Variants in PTPRD observed in about 807,000 individuals in gnomAD.
PTPRD encodes protein tyrosine phosphatase receptor type D.
A neutral mutation model predicts 214.5 loss-of-function variants in PTPRD; 34 were observed. The observed-to-expected ratio is 0.16, with a 90% CI of 0.12 to 0.21. The LOEUF is 0.21. Ranked by LOEUF, PTPRD falls within the 10% of genes least tolerant of loss-of-function variation. PTPRD has a pLI of 1.00. For synonymous variants in PTPRD, 1,128 were observed against 845.7 expected (o/e 1.33, Z -5.79); for missense variants, 2,545 against 2,398.7 (o/e 1.06, Z -1.27).
chr9:8,374,018 G>GA (rs1050396829), intron 39 of PTPRD, among the ~76,000 whole-genome samples: 2 of 151,234 alleles, frequency 1.3e-5, no homozygotes, highest in African/African-American at 4.8e-5. Context: ...AATGCAATGT[G>GA]AAAAAAATCA....
At chr9:10,374,345 G>A (rs1024585820) in intron 2 of PTPRD, among the ~76,000 whole-genome samples, 4 of 152,034 alleles carry the variant, frequency 2.6e-5, no homozygotes, top group African/African-American at 9.7e-5. Flanking sequence ...TTATCTAGGG[G>A]TTAAATGTGC....
At chr9:8,931,079 G>C (rs2098949219) in intron 11 of PTPRD, among the ~76,000 whole-genome samples, 1 of 152,056 alleles carries the variant, frequency 6.6e-6, no homozygotes, top group African/African-American at 2.4e-5. Context: ...TTCTTCTACG[G>C]TTTTTATGGG....
At chr9:9,076,341 T>C (rs1591151426) in intron 10 of PTPRD, among the ~76,000 whole-genome samples, 1 of 152,170 alleles carries the variant, frequency 6.6e-6, no homozygotes, top group East Asian at 1.9e-4. Context: ...TTCTGTAGGT[T>C]GCCTGTCCAC....
At chr9:10,433,971 A>G (rs1041698834) in intron 2 of PTPRD, among the ~76,000 whole-genome samples, 6 of 151,912 alleles carry the variant, frequency 3.9e-5, no homozygotes, top group Non-Finnish European at 8.8e-5. Flanking sequence ...AAAAAGTGTT[A>G]TTAATTCCAA....
rs192137097 is a variant in PTPRD, at chr9:10,596,540, A to G, written c.-600+15858T>C. 2.0e-3 allele frequency among the ~76,000 whole-genome samples: 298 copies of G among 151,824 alleles called. 1 individual carries two copies. The South Asian group carries it at 0.027, about 14-fold the overall frequency. ...TAAAAGAAACAAAGAATAAGCACAT[A>G]TATTTAAATGTAGACTACTTATTAT... On this transcript the variant is annotated intron_variant, in intron 2 of 45. Transcript: ENST00000381196.
intron 31 of PTPRD, 52 bp from the exon 32 acceptor site, chr9:8,465,727 T>G: frequency 6.8e-7 from 1 of 1,466,150 alleles, no homozygotes; most frequent in Non-Finnish European, 9.3e-7. Context: ...ATAACCCAGC[T>G]TATTGATAAT....
intron 3 of PTPRD, among the ~76,000 whole-genome samples, chr9:10,184,991 C>A (rs1469891402): frequency 1.3e-5 from 2 of 152,096 alleles, no homozygotes; most frequent in African/African-American, 2.4e-5. Flanking sequence ...CATTCATAAC[C>A]TTTTGTGTAA....
intron 10 of PTPRD, among the ~76,000 whole-genome samples, chr9:9,109,415 G>C (rs1481241621): frequency 6.6e-6 from 1 of 152,120 alleles, no homozygotes; most frequent in Middle Eastern, 3.2e-3. Flanking sequence ...TGAACTGTTT[G>C]ATCTTGAATA....
intron 7 of PTPRD, among the ~76,000 whole-genome samples, chr9:9,664,067 A>G (rs1272792434): frequency 1.4e-5 from 2 of 145,394 alleles, no homozygotes; most frequent in Non-Finnish European, 3.1e-5. Context: ...ATCTACATAT[A>G]CAAACATTTA....
chr9:10,214,429 A>ATTTT (rs35115543), intron 3 of PTPRD, among the ~76,000 whole-genome samples: 12 of 120,748 alleles, frequency 9.9e-5, no homozygotes, highest in African/African-American at 3.7e-4. Context: ...AAGCCCAACT[A>ATTTT]TTTTTTTTTT....
chr9:9,148,888 G>T (rs994307118), intron 10 of PTPRD, among the ~76,000 whole-genome samples: 7 of 152,238 alleles, frequency 4.6e-5, no homozygotes, highest in African/African-American at 1.7e-4. Flanking sequence ...GGTTACAAAA[G>T]CTAGAACAAA....
rs181778205 is a variant in PTPRD at position 10,183,702 on chromosome 9, G to T, written c.-544-149912C>A. On this transcript the variant is annotated intron_variant, in intron 3 of 45. Transcript: ENST00000381196. ...GATGAAAAATGAAAAAGTAAGTGAA[G>T]GGGACAAAGAGAGGACACAAGAAAC... 6.1e-3 allele frequency among the ~76,000 whole-genome samples: 928 copies of T among 152,200 alleles called. 8 individuals carry two copies. Among genetic ancestry groups the T allele is most frequent in the African/African-American group, 0.02 (838 of 41,550 alleles).
At chr9:9,859,162 T>C (rs1041572337) in intron 5 of PTPRD, among the ~76,000 whole-genome samples, 2 of 152,192 alleles carry the variant, frequency 1.3e-5, no homozygotes, top group African/African-American at 4.8e-5. Context: ...GTGAAGAAGG[T>C]ACCTGCTTCC....
intron 3 of PTPRD, among the ~76,000 whole-genome samples, chr9:10,076,441 T>G (rs73641843): frequency 1.5e-3 from 228 of 152,238 alleles, no homozygotes; most frequent in African/African-American, 5.1e-3. Flanking sequence ...CATTGCTTAT[T>G]AACTCTGACT....
intron 10 of PTPRD, among the ~76,000 whole-genome samples, chr9:9,074,748 T>A (rs2099748594): frequency 6.6e-6 from 1 of 151,982 alleles, no homozygotes; most frequent in African/African-American, 2.4e-5. Flanking sequence ...GAGCTCCTTG[T>A]ATATTCTGAT....
At chr9:9,733,075 G>A (rs1418768314) in intron 7 of PTPRD, among the ~76,000 whole-genome samples, 3 of 152,174 alleles carry the variant, frequency 2.0e-5, no homozygotes, top group Non-Finnish European at 2.9e-5. Context: ...CTCAGGCCTA[G>A]TAAAAGCCTG....
chr9:10,294,696 A>T (rs140046386), intron 3 of PTPRD, among the ~76,000 whole-genome samples: 4 of 152,108 alleles, frequency 2.6e-5, no homozygotes, highest in Admixed American at 2.6e-4. Context: ...ATAGGCTCAG[A>T]ATTTCTAAGA....
chr9:10,071,963 C>G (rs1461800089), intron 3 of PTPRD, among the ~76,000 whole-genome samples: 1 of 151,454 alleles, frequency 6.6e-6, no homozygotes, highest in Admixed American at 6.6e-5. Flanking sequence ...ATGAAGAGAT[C>G]CTGTGTATTT....
At chr9:8,524,359 C>T (rs2097958238) in intron 18 of PTPRD, among the ~76,000 whole-genome samples, 1 of 152,084 alleles carries the variant, frequency 6.6e-6, no homozygotes, top group Non-Finnish European at 1.5e-5. Context: ...TATATGAATA[C>T]ACATGTATAT....
Sources: allele counts gnomAD v4.1 joint callset (sites outside exome capture counted in the v4.1 genomes callset), GRCh38; gene constraint gnomAD v4.1.1; transcripts MANE v1.5; gene names NCBI Gene and HGNC (gene_info 2026-07-23, HGNC 2026-07-21).